The following PIK3AP1 variants were observed in gnomAD, a reference collection of about 807,000 sequenced individuals.
The protein encoded by PIK3AP1 is phosphoinositide-3-kinase adaptor protein 1.
A neutral mutation model predicts 88.1 loss-of-function variants in PIK3AP1; 21 were observed. That is an observed-to-expected ratio of 0.24 (90% CI 0.17 to 0.34). The LOEUF is 0.34. Among genes scored for constraint, PIK3AP1 ranks in the 10% least tolerant of loss-of-function variants. PIK3AP1 has a pLI of 1.00. For missense variants in PIK3AP1, 828 were observed against 1,035.7 expected (o/e 0.80, Z 2.75); for synonymous variants, 398 against 400.0 (o/e 1.00, Z 0.06).
At position 96,594,437 on chromosome 10, in the gene PIK3AP1, T is replaced by C. The variant is rs1219185330; in HGVS notation, c.*1140A>G. On this transcript the variant is annotated 3_prime_UTR_variant, in exon 17 of 17. Transcript: ENST00000339364. The surrounding 1 kb of genome is among the most constrained non-coding windows in gnomAD (Gnocchi z 4.6). Reference sequence around the variant, plus strand: ...CATGAATTCAACATACTTCTTGGCATGCAGCAAATTCAAGTTTTGCTTTTT... The same window carrying C: ...CATGAATTCAACATACTTCTTGGCACGCAGCAAATTCAAGTTTTGCTTTTT... 1.3e-5 allele frequency: 2 copies of C among 152,260 alleles called. No individual in the cohort carries two copies. Among genetic ancestry groups the C allele is most frequent in the East Asian group, 3.8e-4 (2 of 5,204 alleles). 9.4% of individuals were successfully genotyped at this position (152,260 alleles called of 1,614,324 possible). A position where few individuals can be genotyped will look rare whatever the true frequency, so the allele number is the denominator to read the frequency against.
At chr10:96,641,138 T>G (rs1843383747) in intron 8 of PIK3AP1, among the ~76,000 whole-genome samples, 1 of 149,036 alleles carries the variant, frequency 6.7e-6, no homozygotes, top group Admixed American at 6.7e-5. Context: ...TGTGCATGTA[T>G]ACACCCACGC....
At chr10:96,609,967 T>C (rs1487533479) in intron 13 of PIK3AP1, 100 bp from the exon 14 acceptor site, 1 of 1,426,066 alleles carries the variant, frequency 7.0e-7, no homozygotes, top group Non-Finnish European at 9.8e-7. Context: ...CACAGGAGCC[T>C]GCATGGGAAG....
intron 1 of PIK3AP1, among the ~76,000 whole-genome samples, chr10:96,710,614 T>C (rs12572297): frequency 0.14 from 20,956 of 152,068 alleles, 1,764 homozygotes; most frequent in East Asian, 0.24. Context: ...ATAACAATAA[T>C]AACAATAATA....
chr10:96,626,878 T>C lies in PIK3AP1; in HGVS notation c.1499A>G (p.Glu500Gly), dbSNP rs185079778. The C allele has an allele frequency of 8.1e-6, 13 of 1,614,160 alleles. No individual in the cohort carries two copies. Among genetic ancestry groups the C allele is most frequent in the African/African-American group, 4.0e-5 (3 of 75,050 alleles). The change falls in exon 10 of 17, where the codon GAG (glutamate) becomes GGG (glycine). Residue 500 changes from glutamate (E) to glycine (G), a missense_variant. By Grantham distance (98) the Glu-to-Gly change is moderately conservative. Around this residue, in one of 3 missense-constraint regions of PIK3AP1, gnomAD observed 610 missense variants for 760.1 expected, o/e 0.80. Coordinates refer to ENST00000339364, the MANE Select transcript of PIK3AP1 (RefSeq NM_152309.3). ...EGNSMGMTNL[E>G]RDQCHLGQEE... ...CTGACCAAGATGGCACTGATCTCTC[T>C]CCAGATTGGTCATTCCCATGCTGTT...
chr10:96,607,549 C>T (rs767531351), intron 14 of PIK3AP1, among the ~76,000 whole-genome samples: 1 of 152,208 alleles, frequency 6.6e-6, no homozygotes, highest in African/African-American at 2.4e-5. Context: ...CTCCTGCCCC[C>T]TGCCACACTC....
intron 8 of PIK3AP1, among the ~76,000 whole-genome samples, chr10:96,628,889 C>CACACACACATATATACATAT (rs1554955372): frequency 1.6e-5 from 1 of 60,838 alleles, no homozygotes; most frequent in Non-Finnish European, 3.1e-5. Context: ...TATATATATA[C>CACACACACATATATACATAT]ATATATATAT....
chr10:96,689,769 C>T (rs1467017939), intron 2 of PIK3AP1, among the ~76,000 whole-genome samples: 2 of 152,054 alleles, frequency 1.3e-5, no homozygotes, highest in Admixed American at 6.6e-5. Context: ...CTGAGTTCTC[C>T]GTCTTCCCTC....
chr10:96,597,271 T>TTTCCTTCCTTCCTTCCTTCC (rs536365112), intron 16 of PIK3AP1, among the ~76,000 whole-genome samples: 13 of 107,606 alleles, frequency 1.2e-4, no homozygotes, highest in South Asian at 1.0e-3. Flanking sequence ...TCTTTCTTTC[T>TTTCCTTCCTTCCTTCCTTCC]TTCCTTCCTT....
chr10:96,717,907 A>G lies in PIK3AP1; in HGVS notation c.13+2475T>C, dbSNP rs528789894. On this transcript the variant is annotated intron_variant, in intron 1 of 16. Coordinates refer to ENST00000339364, the MANE Select transcript of PIK3AP1 (RefSeq NM_152309.3). ...ACTTCTCCTGGATTTCAACAAGCAGACATCTTTCAGAAAACAATATAGACT... is the reference window on the plus strand; with the variant it reads ...ACTTCTCCTGGATTTCAACAAGCAGGCATCTTTCAGAAAACAATATAGACT... Among the ~76,000 whole-genome samples the G allele has an allele frequency of 3.3e-5, 5 of 152,332 alleles. No individual in the cohort carries two copies. In the South Asian group the frequency reaches 1.0e-3, roughly 32 times the overall value.
chr10:96,651,464 A>C (rs1317969521), intron 5 of PIK3AP1, 45 bp downstream of exon 5: 6 of 1,613,910 alleles, frequency 3.7e-6, no homozygotes, highest in Non-Finnish European at 5.1e-6. Context: ...CCATGAGCAG[A>C]AATTACATGC....
At chr10:96,690,980 C>T (rs1303218863) in intron 2 of PIK3AP1, among the ~76,000 whole-genome samples, 1 of 152,188 alleles carries the variant, frequency 6.6e-6, no homozygotes, top group Non-Finnish European at 1.5e-5. Context: ...TGCCAATATT[C>T]GGAGACATAG....
chr10:96,627,223 T>C (rs1159965496), intron 9 of PIK3AP1, among the ~76,000 whole-genome samples: 1 of 152,222 alleles, frequency 6.6e-6, no homozygotes, highest in Non-Finnish European at 1.5e-5. Context: ...GGACTAACTG[T>C]CAAAGCCCTA....
chr10:96,656,994 C>A, intron 2 of PIK3AP1, 60 bp from the exon 3 acceptor site: 1 of 1,584,570 alleles, frequency 6.3e-7, no homozygotes, highest in South Asian at 1.1e-5. Flanking sequence ...TGGACATGTT[C>A]CACCCCATGA....
At chr10:96,661,780 GA>G (rs1263398551) in intron 2 of PIK3AP1, among the ~76,000 whole-genome samples, 1 of 143,866 alleles carries the variant, frequency 7.0e-6, no homozygotes, top group Non-Finnish European at 1.5e-5. Flanking sequence ...CTGAGAAAAG[GA>G]AAGGACAGGA....
chr10:96,603,919 A>G (rs1848953227), intron 15 of PIK3AP1, 60 bp downstream of exon 15: 4 of 1,423,754 alleles, frequency 2.8e-6, no homozygotes, highest in Non-Finnish European at 3.8e-6. Context: ...CTGGGTTTCT[A>G]TCTCTTGCGA....
intron 2 of PIK3AP1, among the ~76,000 whole-genome samples, chr10:96,671,521 C>A (rs1316696865): frequency 6.6e-6 from 1 of 151,516 alleles, no homozygotes; most frequent in Non-Finnish European, 1.5e-5. Flanking sequence ...AGTCATCATA[C>A]TGATGGTAAG....
chr10:96,629,930 A>AAAAAAAAAAAAAAAGAAG (rs776780994), intron 8 of PIK3AP1, among the ~76,000 whole-genome samples: 12 of 13,720 alleles, frequency 8.7e-4, no homozygotes, highest in East Asian at 3.8e-3. Flanking sequence ...AAAAAAAAAA[A>AAAAAAAAAAAAAAAGAAG]AAGAAGAAGA....
intron 1 of PIK3AP1, among the ~76,000 whole-genome samples, chr10:96,711,739 A>ATT (rs763923650): frequency 0.054 from 3,603 of 66,264 alleles, 463 homozygotes; most frequent in African/African-American, 0.078. Flanking sequence ...AGATTACCAA[A>ATT]TTTTTTTTTT....
intron 11 of PIK3AP1, chr10:96,621,240 G>T: frequency 6.4e-6 from 1 of 155,766 alleles, no homozygotes; most frequent in South Asian, 1.8e-4. Flanking sequence ...TCTCTGTGCG[G>T]GTCCAATGGA....
Sources: gnomAD v4.1 joint callset for allele counts (sites outside exome capture counted in the v4.1 genomes callset) on GRCh38, gnomAD v4.1.1 for gene constraint, gnomAD v4.1.1 regional missense constraint, Gnocchi (gnomAD v3.1) non-coding constraint, MANE v1.5 for transcripts, NCBI Gene and HGNC (gene_info 2026-07-23, HGNC 2026-07-21) for gene names.